ITGAE: variants seen among roughly 807,000 people sequenced by gnomAD.
The protein encoded by ITGAE is integrin alpha-E.
A neutral mutation model predicts 136.5 loss-of-function variants in ITGAE; 99 were observed. The ratio of observed to expected loss-of-function variants is 0.73; its 90% CI spans 0.62 to 0.86. The LOEUF (loss-of-function observed/expected upper bound fraction) is 0.86, where lower values mean the gene tolerates loss of function less well. ITGAE is among the 40% of genes least tolerant of loss of function. ITGAE has a pLI of 0.00. For synonymous variants in ITGAE, 613 were observed against 591.8 expected, an observed-to-expected ratio of 1.04 and a Z score of -0.52; for missense variants, 1,447 against 1,515.3, an observed-to-expected ratio of 0.95 and a Z score of 0.75.
chr17:3,725,414 G>A, intron 26 of ITGAE: 1 of 1,614,172 alleles, frequency 6.2e-7, no homozygotes, highest in Non-Finnish European at 8.5e-7. Context: ...TTGGGGAAGG[G>A]GTGTTTGGCG....
At chr17:3,777,013 T>G (rs983162561) in intron 2 of ITGAE, among the ~76,000 whole-genome samples, 2 of 148,978 alleles carry the variant, frequency 1.3e-5, no homozygotes, top group Admixed American at 6.8e-5. Flanking sequence ...CAGGCTGGAG[T>G]GCAGTGGCGC....
chr17:3,755,627 G>A (rs2052001363), intron 11 of ITGAE, among the ~76,000 whole-genome samples: 1 of 152,172 alleles, frequency 6.6e-6, no homozygotes, highest in Non-Finnish European at 1.5e-5. Flanking sequence ...AGACTGCACC[G>A]CTGCACTCCA....
intron 12 of ITGAE, among the ~76,000 whole-genome samples, chr17:3,754,145 CTG>C (rs1297620774): frequency 3.3e-5 from 5 of 152,226 alleles, no homozygotes; most frequent in Non-Finnish European, 7.3e-5. Flanking sequence ...CACACGCTGT[CTG>C]TCACGTATGC....
chr17:3,745,818 C>G lies in ITGAE; in HGVS notation c.2265G>C (p.Trp755Cys). Residue 755 changes from tryptophan (W) to cysteine (C), a missense_variant, in exon 18 of 31, where the codon TGG (tryptophan) becomes TGC (cysteine). By Grantham distance (215) the Trp-to-Cys change is radical. Coordinates refer to ENST00000263087, the MANE Select transcript of ITGAE (RefSeq NM_002208.5). ...VRSCLGCLRE[W>C]SSGSQLCEDL... is the part of the protein sequence containing the mutation. ...CCTCACAAAGCTGGGATCCGCTGCT[C>G]CACTCCCTCAGGCAGCCCAGACAGC... 1 of 1,614,118 alleles carries G rather than the reference C, an allele frequency of 6.2e-7. No homozygotes were observed. Among genetic ancestry groups the G allele is most frequent in the Non-Finnish European group, 8.5e-7 (1 of 1,180,024 alleles).
chr17:3,738,727 G>C (rs2051516656), intron 20 of ITGAE: 1 of 152,192 alleles, frequency 6.6e-6, no homozygotes, highest in Non-Finnish European at 1.5e-5. Flanking sequence ...TGGTGTGTTG[G>C]ACAGTGCAGT....
chr17:3,785,578 C>T (rs1048714505), intron 1 of ITGAE, among the ~76,000 whole-genome samples: 3 of 150,534 alleles, frequency 2.0e-5, no homozygotes, highest in Non-Finnish European at 4.4e-5. Flanking sequence ...ATCTGAACCT[C>T]GTGAAAATTA....
intron 12 of ITGAE, chr17:3,754,671 G>A: frequency 4.6e-6 from 1 of 215,876 alleles, no homozygotes; most frequent in Non-Finnish European, 9.5e-6. Context: ...TCCCTAACCA[G>A]GACCCGCCCC....
intron 1 of ITGAE, among the ~76,000 whole-genome samples, chr17:3,800,139 G>A (rs888295063): frequency 5.9e-5 from 9 of 152,210 alleles, no homozygotes; most frequent in South Asian, 2.1e-4. Context: ...AAAATAAAAT[G>A]AAATATAAAA....
Position 3,756,224 on chromosome 17 carries a change from C to CT in ITGAE, c.1172-328dup, listed in dbSNP as rs398041526. On this transcript the variant is annotated intron_variant, in intron 10 of 30. Transcript: ENST00000263087. ...AAGGAGGCCTGGGGATATTGTTGGC[C>CT]TTTTTTTTTTTTTTTTTTTTTTTTT... 6.8e-3 allele frequency among the ~76,000 whole-genome samples: 648 copies of CT among 95,050 alleles called. 19 individuals are homozygous for CT. Among genetic ancestry groups the CT allele is most frequent in the South Asian group, 9.6e-3 (27 of 2,804 alleles). 62.4% of individuals were successfully genotyped at this position (95,050 alleles called of 152,430 possible). A position where few individuals can be genotyped will look rare whatever the true frequency, so the allele number is the denominator to read the frequency against.
intron 29 of ITGAE, 104 bp from the exon 30 acceptor site, chr17:3,716,902 C>A: frequency 1.5e-6 from 1 of 666,794 alleles, no homozygotes; most frequent in East Asian, 2.6e-5. Flanking sequence ...GGCAACAACC[C>A]GTGTATTGAT....
In ITGAE at chr17:3,750,012, C is replaced by T. The variant is rs111345070; in HGVS notation, c.2024+340G>A. Among the ~76,000 whole-genome samples the T allele has an allele frequency of 5.7e-3, 873 of 152,056 alleles. 10 individuals are homozygous for T. The highest frequency in any genetic ancestry group is 0.018 in the African/African-American group (754 of 41,472). On this transcript the variant is annotated intron_variant, in intron 16 of 30. Coordinates refer to ENST00000263087, the MANE Select transcript of ITGAE (RefSeq NM_002208.5). ...GCCTGGGCAAAAGAGGAAGACTCCGCCTCAGAAAAAAAACAAAAAACAAAA... is the reference window on the plus strand; with the variant it reads ...GCCTGGGCAAAAGAGGAAGACTCCGTCTCAGAAAAAAAACAAAAAACAAAA...
In ITGAE at chr17:3,799,416, A is replaced by C. The variant is rs999082312; in HGVS notation, c.34+1695T>G. The stretch of plus-strand genomic sequence containing the variant: ...TCAGCTTGGGAAGGGCCTAGGCCTC[A>C]AAAGAGGTTTGATCGATGCCACCTG... On this transcript the variant is annotated intron_variant, in intron 1 of 30. Coordinates refer to ENST00000263087, the MANE Select transcript of ITGAE (RefSeq NM_002208.5). This position sits in a 1 kb window ranked among gnomAD's most constrained non-coding sequence, Gnocchi z 4.1. Among the ~76,000 whole-genome samples the C allele has an allele frequency of 2.0e-5, 3 of 152,130 alleles. No individual in the cohort carries two copies. Among genetic ancestry groups the C allele is most frequent in the Non-Finnish European group, 4.4e-5 (3 of 68,032 alleles).
rs2272607 is a variant in ITGAE at position 3,761,227 on chromosome 17, G to A, written c.434-50C>T. On this transcript the variant is annotated intron_variant, in intron 5 of 30. Coordinates refer to ENST00000263087, the MANE Select transcript of ITGAE (RefSeq NM_002208.5). The stretch of plus-strand genomic sequence containing the variant: ...TCAGAGTCAGAAAGGCTCCATCCTC[G>A]CCTGAGCACGCTCACACATGGTTCT... 1.5e-3 allele frequency: 2,395 copies of A among 1,588,588 alleles called. 55 individuals are homozygous for A. The East Asian group carries it at 0.048, about 32-fold the overall frequency.
chr17:3,755,780 G>A (rs1380286695), intron 11 of ITGAE, 50 bp downstream of exon 11: 1 of 1,513,550 alleles, frequency 6.6e-7, no homozygotes, highest in South Asian at 1.2e-5. Flanking sequence ...TAGGTGTCCT[G>A]GGCCCCTCAC....
chr17:3,795,969 G>T (rs1413626363), intron 1 of ITGAE, among the ~76,000 whole-genome samples: 3 of 121,558 alleles, frequency 2.5e-5, no homozygotes, highest in Non-Finnish European at 5.2e-5. Context: ...GTGTGTGCGT[G>T]TGTGCATCCG....
intron 2 of ITGAE, among the ~76,000 whole-genome samples, chr17:3,769,322 G>A (rs931439679): frequency 1.3e-5 from 2 of 152,108 alleles, no homozygotes; most frequent in African/African-American, 4.8e-5. Flanking sequence ...CAGCAGCCCT[G>A]ACTATAGCAC....
At chr17:3,740,537 T>G (rs2051560615) in intron 19 of ITGAE, among the ~76,000 whole-genome samples, 1 of 152,158 alleles carries the variant, frequency 6.6e-6, no homozygotes, top group South Asian at 2.1e-4. Flanking sequence ...CCACCACGCC[T>G]GGCTAACTTT....
At chr17:3,737,208 A>G (rs1360369159) in intron 20 of ITGAE, among the ~76,000 whole-genome samples, 1 of 152,174 alleles carries the variant, frequency 6.6e-6, no homozygotes, top group Admixed American at 6.5e-5. Context: ...CAGGAGAAGC[A>G]CTTGAAGCCG....
In ITGAE at chr17:3,751,719, A is replaced by G. The variant is rs1034093531; in HGVS notation, c.1824T>C (p.Asp608=). The G allele has an allele frequency of 6.2e-7, 1 of 1,613,906 alleles. No individual in the cohort carries two copies. ...TATACACACTGCCGAAGCTGGCACC[A>G]TCATCTGCCCCAAAACCTTCCAGGG... The part of the protein sequence containing the change: ...GAPLEGFGAD[D]GASFGSVYIY... Residue 608 remains aspartate, a synonymous_variant, in exon 15 of 31, where the codon GAT becomes GAC. Coordinates refer to ENST00000263087, the MANE Select transcript of ITGAE (RefSeq NM_002208.5).
Sources: allele counts gnomAD v4.1 joint callset (sites outside exome capture counted in the v4.1 genomes callset), GRCh38; gene constraint gnomAD v4.1.1; non-coding constraint Gnocchi (gnomAD v3.1); transcripts MANE v1.5; gene names NCBI Gene and HGNC (gene_info 2026-07-23, HGNC 2026-07-21).